ADCK1: variants seen among roughly 807,000 people sequenced by gnomAD.
ADCK1 encodes aarF domain containing kinase 1, also known as aarF domain-containing protein kinase 1.
Under a neutral mutation model 52.3 loss-of-function variants are expected in ADCK1, and 41 were observed. That is an observed-to-expected ratio of 0.78 (90% confidence interval 0.61 to 1.02). ADCK1 has a LOEUF of 1.02. Ranked by LOEUF, ADCK1 falls within the 50% of genes least tolerant of loss-of-function variation. The pLI, the probability that ADCK1 is intolerant of heterozygous loss-of-function variation, is 0.00. For synonymous variants in ADCK1, 250 were observed against 274.6 expected (o/e 0.91, Z 0.89); for missense variants, 658 against 679.5 (o/e 0.97, Z 0.35).
At chr14:77,865,742 C>T (rs576929421) in intron 4 of ADCK1, among the ~76,000 whole-genome samples, 1 of 152,306 alleles carries the variant, frequency 6.6e-6, no homozygotes, top group African/African-American at 2.4e-5. Context: ...TGTTACTTAA[C>T]CTCTCTGTCC....
chr14:77,893,530 A>G (rs2083326654), intron 5 of ADCK1, among the ~76,000 whole-genome samples: 1 of 152,060 alleles, frequency 6.6e-6, no homozygotes, highest in African/African-American at 2.4e-5. Flanking sequence ...TATGCCCTTC[A>G]TGCACTACTG....
rs564888485 is a variant in ADCK1, at chr14:77,863,558, C to T, written c.423+4279C>T. ...GCCTATTTCAAGAAATGGTCCAAGCCGTGCGTGGTGGCTCATGCCTGTAAT... is the reference window on the plus strand; with the variant it reads ...GCCTATTTCAAGAAATGGTCCAAGCTGTGCGTGGTGGCTCATGCCTGTAAT... On this transcript the variant is annotated intron_variant, in intron 4 of 10. Transcript: ENST00000238561. Among the ~76,000 whole-genome samples the T allele has an allele frequency of 3.0e-3, 458 of 152,194 alleles. 1 individual carries two copies. Among genetic ancestry groups the T allele is most frequent in the Non-Finnish European group, 5.3e-3 (362 of 68,014 alleles).
intron 6 of ADCK1, among the ~76,000 whole-genome samples, chr14:77,901,506 C>T (rs932125235): frequency 5.5e-4 from 83 of 152,110 alleles, no homozygotes; most frequent in Non-Finnish European, 1.1e-3. Flanking sequence ...TCTCCTGCCT[C>T]AGCCTCCTGA....
At chr14:77,930,838 T>C (rs1194103877) in intron 9 of ADCK1, among the ~76,000 whole-genome samples, 6 of 152,136 alleles carry the variant, frequency 3.9e-5, no homozygotes, top group Non-Finnish European at 5.9e-5. Context: ...ACCACACTTA[T>C]ATTTAGGATT....
rs200920875 is a variant in ADCK1 at position 77,878,929 on chromosome 14, C to CA, written c.424-8162_424-8161insA. On this transcript the variant is annotated intron_variant, in intron 4 of 10. Transcript: ENST00000238561. Reference sequence around the variant, plus strand: ...GGTCTGATTGGACTGTCCCTTCCCCCCCCACGAATGAATGACAGCTCTACT... The same window carrying CA: ...GGTCTGATTGGACTGTCCCTTCCCCCACCCACGAATGAATGACAGCTCTACT... Among the ~76,000 whole-genome samples the CA allele has an allele frequency of 4.6e-3, 695 of 152,082 alleles. 6 individuals carry two copies. Among genetic ancestry groups the CA allele is most frequent in the Admixed American group, 0.012 (187 of 15,270 alleles).
chr14:77,911,077 A>G (rs1183549928), intron 7 of ADCK1, among the ~76,000 whole-genome samples: 2 of 152,244 alleles, frequency 1.3e-5, no homozygotes, highest in Admixed American at 6.5e-5. Context: ...AATAATAATT[A>G]TAAGCAACTA....
intron 7 of ADCK1, among the ~76,000 whole-genome samples, chr14:77,916,760 C>T (rs1186666156): frequency 1.3e-5 from 2 of 152,232 alleles, no homozygotes; most frequent in African/African-American, 2.4e-5. Flanking sequence ...CATGTGTGGT[C>T]GAAGAGGTTC....
intron 3 of ADCK1, among the ~76,000 whole-genome samples, chr14:77,857,549 T>C (rs1008397076): frequency 6.6e-6 from 1 of 152,088 alleles, no homozygotes; most frequent in Non-Finnish European, 1.5e-5. Flanking sequence ...TACTGGCTGG[T>C]TTGTTATCTG....
rs1311671890 is a variant in ADCK1, at chr14:77,931,539, G to A, written c.1228G>A (p.Ala410Thr). 8 of 1,613,610 alleles carry A rather than the reference G, an allele frequency of 5.0e-6. No individual in the cohort carries two copies. Among genetic ancestry groups the A allele is most frequent in the East Asian group, 4.5e-5 (2 of 44,884 alleles). Residue 410 changes from alanine (A) to threonine (T), a missense_variant, in exon 10 of 11, where the codon GCG (alanine) becomes ACG (threonine). Ala to Thr is a moderately conservative substitution (Grantham distance 58). Coordinates refer to ENST00000238561, the MANE Select transcript of ADCK1 (RefSeq NM_020421.4). ...TCAGGACTTAGAGATTCGCAACAAC[G>A]CGGCCAACTACCTCCCCCAGATCAG... ...ATEDLEIRNN[A>T]ANYLPQISHL...
chr14:77,917,907 G>T (rs965662684), intron 7 of ADCK1, among the ~76,000 whole-genome samples: 1 of 152,170 alleles, frequency 6.6e-6, no homozygotes, highest in African/African-American at 2.4e-5. Flanking sequence ...GAGCTTCCCT[G>T]TGAGTGGAGA....
chr14:77,921,793 C>T (rs2084068557), intron 7 of ADCK1, among the ~76,000 whole-genome samples: 1 of 152,104 alleles, frequency 6.6e-6, no homozygotes, highest in Non-Finnish European at 1.5e-5. Flanking sequence ...CAGCAGCTCA[C>T]TCCTCAGAGG....
intron 3 of ADCK1, among the ~76,000 whole-genome samples, chr14:77,852,195 C>T (rs1307270419): frequency 6.6e-6 from 1 of 151,890 alleles, no homozygotes; most frequent in African/African-American, 2.4e-5. Context: ...GGCGGGGTGT[C>T]ACCTTATTGT....
intron 3 of ADCK1, among the ~76,000 whole-genome samples, chr14:77,856,516 T>A (rs1212761011): frequency 6.6e-6 from 1 of 152,134 alleles, no homozygotes; most frequent in Non-Finnish European, 1.5e-5. Flanking sequence ...ATGGATTCAG[T>A]GTGACATTGA....
chr14:77,921,978 T>G (rs2140288545), intron 7 of ADCK1, among the ~76,000 whole-genome samples: 1 of 152,338 alleles, frequency 6.6e-6, no homozygotes, highest in African/African-American at 2.4e-5. Context: ...TTGGCTGGAA[T>G]TCTGTCAGCT....
chr14:77,866,860 G>A (rs531948298), intron 4 of ADCK1, among the ~76,000 whole-genome samples: 1 of 152,286 alleles, frequency 6.6e-6, no homozygotes, highest in Admixed American at 6.5e-5. Context: ...GAAGTGGTTA[G>A]AGCAGAAGCG....
chr14:77,840,864 C>T (rs1374197715), intron 3 of ADCK1, among the ~76,000 whole-genome samples: 1 of 117,638 alleles, frequency 8.5e-6, no homozygotes, highest in African/African-American at 3.2e-5. Flanking sequence ...AGAAGGGCAG[C>T]AGGGAGGGAG....
chr14:77,868,841 G>C (rs2082716883), intron 4 of ADCK1, among the ~76,000 whole-genome samples: 1 of 152,188 alleles, frequency 6.6e-6, no homozygotes, highest in Non-Finnish European at 1.5e-5. Flanking sequence ...TGCAGCGGGG[G>C]ATATACAGAA....
At chr14:77,806,354 T>C (rs974875002) in intron 1 of ADCK1, among the ~76,000 whole-genome samples, 7 of 152,188 alleles carry the variant, frequency 4.6e-5, no homozygotes, top group African/African-American at 1.7e-4. Context: ...TAGCTTGGTC[T>C]ATACCCAGGA....
chr14:77,816,237 C>T (rs2081447370), intron 1 of ADCK1, among the ~76,000 whole-genome samples: 1 of 152,064 alleles, frequency 6.6e-6, no homozygotes, highest in Non-Finnish European at 1.5e-5. Flanking sequence ...TAAAAAAGGA[C>T]TATTGTGGTG....
Sources: allele counts gnomAD v4.1 joint callset (sites outside exome capture counted in the v4.1 genomes callset), GRCh38; gene constraint gnomAD v4.1.1; transcripts MANE v1.5; gene names NCBI Gene and HGNC (gene_info 2026-07-23, HGNC 2026-07-21).